FABP1: variants seen among roughly 807,000 people sequenced by gnomAD.
The protein encoded by FABP1 is fatty acid-binding protein, liver.
FABP1 carries 13 observed loss-of-function variants against 13.7 expected under a neutral mutation model. The observed-to-expected ratio is 0.95, with a 90% CI of 0.62 to 1.51. The LOEUF (loss-of-function observed/expected upper bound fraction) is 1.51, where lower values mean the gene tolerates loss of function less well. FABP1 is among the 40% of genes most tolerant of loss of function. FABP1 has a pLI of 0.00. For synonymous variants in FABP1, 48 were observed against 59.8 expected, an observed-to-expected ratio of 0.80 and a Z score of 0.91; for missense variants, 140 against 155.7, an observed-to-expected ratio of 0.90 and a Z score of 0.54.
In FABP1 at chr2:88,124,973, C is replaced by CT. The variant is rs10707485; in HGVS notation, c.241-388dup. Among the ~76,000 whole-genome samples, 477 of 143,172 alleles carry CT rather than the reference C, an allele frequency of 3.3e-3. 3 individuals carry two copies. Among genetic ancestry groups the CT allele is most frequent in the Non-Finnish European group, 5.3e-3 (350 of 65,632 alleles). The allele number at this position is 143,172 out of a possible 152,430, so 93.9% of individuals were successfully genotyped here. On this transcript the variant is annotated intron_variant, in intron 2 of 3. Transcript: ENST00000295834. ...ATATTTTGCTTTGGTATGTATTCTT[C>CT]TTTTTTTTTTTTTTTTAATTGAGAT...
rs938186405 is a variant in FABP1 at position 88,126,223 on chromosome 2, C to T, written c.193G>A (p.Val65Met). ...GSKVIQNEFT[V>M]GEECELETMT... ...GTCTCCAGCTCACATTCCTCCCCCA[C>T]CGTGAATTCGTTTTGGATCACTTTG... The change falls in exon 2 of 4, where the codon GTG becomes ATG. Residue 65 changes from valine to methionine, a missense_variant. Coordinates refer to ENST00000295834, the MANE Select transcript of FABP1 (RefSeq NM_001443.3). 10 of 1,612,484 alleles carry T rather than the reference C, an allele frequency of 6.2e-6. No individual in the cohort carries two copies. The highest frequency in any genetic ancestry group is 1.7e-5 in the Admixed American group (1 of 59,982).
At chr2:88,126,605 G>A (rs1046347518) in intron 1 of FABP1, 22 of 372,750 alleles carry the variant, frequency 5.9e-5, no homozygotes, top group Admixed American at 3.5e-4. Flanking sequence ...CTGAAGAACC[G>A]TTCCTCTTGT....
intron 2 of FABP1, among the ~76,000 whole-genome samples, chr2:88,125,612 G>A (rs892775083): frequency 5.9e-5 from 9 of 152,220 alleles, no homozygotes; most frequent in Admixed American, 5.2e-4. Context: ...AGTCTAGGGA[G>A]GTTGACTGTT....
intron 1 of FABP1, chr2:88,126,771 A>C: frequency 5.8e-6 from 1 of 172,302 alleles, no homozygotes; most frequent in Non-Finnish European, 1.3e-5. Context: ...GGAGCTGCTG[A>C]TAATCATGCC....
chr2:88,127,243 T>C (rs1675314841), intron 1 of FABP1, among the ~76,000 whole-genome samples: 1 of 152,128 alleles, frequency 6.6e-6, no homozygotes, highest in Non-Finnish European at 1.5e-5. Flanking sequence ...CATCCCCCCA[T>C]GCTCTCTGTG....
intron 1 of FABP1, among the ~76,000 whole-genome samples, chr2:88,126,970 G>T (rs1033705116): frequency 3.3e-5 from 5 of 152,070 alleles, no homozygotes; most frequent in African/African-American, 9.7e-5. Context: ...GAGCACAGAG[G>T]GTCCTGTTGC....
intron 1 of FABP1, 137 bp downstream of exon 1, chr2:88,127,814 T>C (rs1007049489): frequency 1.1e-6 from 1 of 895,256 alleles, no homozygotes; most frequent in East Asian, 2.4e-5. Context: ...CAGAAGTCAG[T>C]AAAATGCCCC....
rs1176432673 is a variant in FABP1 at position 88,126,130 on chromosome 2, C to A, written c.240+46G>T. 3 of 1,557,904 alleles carry A rather than the reference C, an allele frequency of 1.9e-6. No homozygotes were observed. In the Admixed American group the frequency reaches 5.1e-5, roughly 27 times the overall value. On this transcript the variant is annotated intron_variant, in intron 2 of 3. Coordinates refer to ENST00000295834, the MANE Select transcript of FABP1 (RefSeq NM_001443.3). ...AGCCTTGAGGAATGAGGTCCCAGGG[C>A]CAGGTTCCAAGGAAAGTTCTGACAG...
Position 88,124,508 on chromosome 2 carries a change from C to G in FABP1, c.319G>C (p.Asp107His). The G allele has an allele frequency of 1.2e-6, 2 of 1,606,504 alleles. No homozygotes were observed. The highest frequency in any genetic ancestry group is 1.7e-6 in the Non-Finnish European group (2 of 1,176,734). ...NIKSVTELNG[D>H]IITNTMTLGD... ...CACCAACTTACATTGGTGATTATGT[C>G]GCCGTTGAGTTCGGTCACAGACTTG... The change falls in exon 3 of 4, where the codon GAC (aspartate) becomes CAC (histidine). Residue 107 changes from aspartate (D) to histidine (H), a missense_variant. Physicochemically the swap from Asp to His is moderately conservative, Grantham distance 81 (BLOSUM62 -1). Transcript: ENST00000295834.
chr2:88,124,535 T>G lies in FABP1; in HGVS notation c.292A>C (p.Ile98Leu). The G allele has an allele frequency of 6.2e-7, 1 of 1,612,070 alleles. No homozygotes were observed. Among genetic ancestry groups the G allele is most frequent in the Non-Finnish European group, 8.5e-7 (1 of 1,179,126 alleles). The change falls in exon 3 of 4, where the codon ATC becomes CTC. Residue 98 changes from isoleucine (I) to leucine (L), a missense_variant. By Grantham distance (5) the Ile-to-Leu change is conservative (BLOSUM62 2). Coordinates refer to ENST00000295834, the MANE Select transcript of FABP1 (RefSeq NM_001443.3). ...DNKLVTTFKN[I>L]KSVTELNGDI... ...CCGTTGAGTTCGGTCACAGACTTGA[T>G]GTTTTTGAAAGTTGTCACCAGTTTA...
At chr2:88,125,967 A>G in intron 2 of FABP1, 1 of 465,338 alleles carries the variant, frequency 2.1e-6, no homozygotes, top group Non-Finnish European at 3.9e-6. Context: ...GGGCTGGAAC[A>G]CCCCCCAGAC....
chr2:88,127,400 G>A (rs1358401295), intron 1 of FABP1, among the ~76,000 whole-genome samples: 2 of 152,146 alleles, frequency 1.3e-5, no homozygotes, highest in African/African-American at 4.8e-5. Context: ...GGCTTCAGTT[G>A]CATTAACTGT....
chr2:88,126,442 C>G (rs959438096), intron 1 of FABP1, 94 bp from the exon 2 acceptor site: 2 of 1,276,326 alleles, frequency 1.6e-6, no homozygotes, highest in African/African-American at 2.9e-5. Context: ...CATGGAGGGA[C>G]AGAGAAGGGC....
chr2:88,124,608 C>A, intron 2 of FABP1, 22 bp from the exon 3 acceptor site: 1 of 1,583,622 alleles, frequency 6.3e-7, no homozygotes, highest in Non-Finnish European at 8.6e-7. Flanking sequence ...AGAGAGGTGA[C>A]CTGTGAGGAA....
intron 1 of FABP1, chr2:88,126,643 T>G: frequency 3.6e-6 from 1 of 281,168 alleles, no homozygotes; most frequent in African/African-American, 2.1e-5. Context: ...CTCACTCTCC[T>G]TCCTCATTCC....
At chr2:88,123,779 G>A (rs1044749269) in intron 3 of FABP1, 2 of 152,292 alleles carry the variant, frequency 1.3e-5, no homozygotes, top group Non-Finnish European at 2.9e-5. Context: ...CCCTCATCCA[G>A]CCTCCCTCGA....
intron 2 of FABP1, among the ~76,000 whole-genome samples, chr2:88,125,693 T>C (rs1164564080): frequency 6.6e-6 from 1 of 152,236 alleles, no homozygotes; most frequent in Non-Finnish European, 1.5e-5. Flanking sequence ...TCTGAGCACC[T>C]GTCTGGGGCC....
intron 1 of FABP1, 80 bp downstream of exon 1, chr2:88,127,871 G>A: frequency 7.2e-7 from 1 of 1,380,180 alleles, no homozygotes; most frequent in Non-Finnish European, 1.0e-6. Context: ...CTCAACATTT[G>A]GACCCTAAAT....
chr2:88,127,216 C>T (rs1357358554), intron 1 of FABP1, among the ~76,000 whole-genome samples: 2 of 152,158 alleles, frequency 1.3e-5, no homozygotes, highest in African/African-American at 2.4e-5. Context: ...TGAGCCTTCT[C>T]TTTACCTCCA....
Sources: gnomAD v4.1 joint callset for allele counts (sites outside exome capture counted in the v4.1 genomes callset) on GRCh38, gnomAD v4.1.1 for gene constraint, MANE v1.5 for transcripts, NCBI Gene and HGNC (gene_info 2026-07-23, HGNC 2026-07-21) for gene names.